The following STXBP5 variants were observed in gnomAD, a reference collection of about 807,000 sequenced individuals.
STXBP5 encodes the protein syntaxin binding protein 5.
Under a neutral mutation model 152.4 loss-of-function variants are expected in STXBP5, and 50 were observed. That is an observed-to-expected ratio of 0.33 (90% CI 0.26 to 0.42). STXBP5 has a LOEUF of 0.42. Ranked by LOEUF, STXBP5 falls within the 10% of genes least tolerant of loss-of-function variation. The probability of loss-of-function intolerance (pLI) is 1.00; values close to 1 mark genes in which losing one functional copy is unlikely to be tolerated. For synonymous variants in STXBP5, 492 were observed against 494.7 expected (o/e 0.99, Z 0.07); for missense variants, 1,167 against 1,388.6 (o/e 0.84, Z 2.54).
At chr6:147,232,380 C>G (rs1030243604) in intron 2 of STXBP5, among the ~76,000 whole-genome samples, 1 of 151,760 alleles carries the variant, frequency 6.6e-6, no homozygotes, top group African/African-American at 2.4e-5. Flanking sequence ...GAACTACTTG[C>G]TCTGAAATTT....
chr6:147,293,585 C>T (rs1452326949), intron 9 of STXBP5, among the ~76,000 whole-genome samples: 5 of 152,142 alleles, frequency 3.3e-5, no homozygotes, highest in Non-Finnish European at 5.9e-5. Flanking sequence ...TGGCAAGTTA[C>T]CAAATTTTAT....
chr6:147,252,041 A>C (rs573787594), intron 4 of STXBP5, among the ~76,000 whole-genome samples: 91 of 152,314 alleles, frequency 6.0e-4, no homozygotes, highest in African/African-American at 1.9e-3. Flanking sequence ...AACATCAACA[A>C]AAAGGGCATC....
intron 21 of STXBP5, among the ~76,000 whole-genome samples, chr6:147,351,422 A>G (rs573352910): frequency 3.9e-5 from 6 of 152,348 alleles, no homozygotes; most frequent in African/African-American, 1.4e-4. Context: ...TGCACATTGT[A>G]TAGATACTAC....
At chr6:147,327,955 T>TG (rs1277447065) in intron 18 of STXBP5, among the ~76,000 whole-genome samples, 13 of 152,184 alleles carry the variant, frequency 8.5e-5, no homozygotes, top group African/African-American at 2.9e-4. Flanking sequence ...CATTCCCATG[T>TG]GGGAAAAAAA....
chr6:147,293,365 A>C (rs948443063), intron 9 of STXBP5: 1 of 152,170 alleles, frequency 6.6e-6, no homozygotes, highest in Non-Finnish European at 1.5e-5. Context: ...CAGTAAATTC[A>C]ACATATTCTT....
intron 18 of STXBP5, chr6:147,328,783 G>GTA (rs1184853576): frequency 6.4e-6 from 3 of 470,464 alleles, no homozygotes; most frequent in South Asian, 4.7e-5. Context: ...TCTTTTTTAA[G>GTA]TAAGTCATTT....
chr6:147,226,840 T>G (rs1201014892), intron 2 of STXBP5, among the ~76,000 whole-genome samples: 2 of 152,212 alleles, frequency 1.3e-5, no homozygotes, highest in Non-Finnish European at 2.9e-5. Context: ...AATTGATGAG[T>G]TAAGCAAACA....
At chr6:147,278,591 G>C (rs1469883443) in intron 8 of STXBP5, among the ~76,000 whole-genome samples, 1 of 152,042 alleles carries the variant, frequency 6.6e-6, no homozygotes, top group African/African-American at 2.4e-5. Flanking sequence ...TGAAATACTT[G>C]GAACCCTGTA....
chr6:147,235,413 C>T, intron 3 of STXBP5, 82 bp downstream of exon 3: 1 of 1,088,396 alleles, frequency 9.2e-7, no homozygotes, highest in East Asian at 2.5e-5. Context: ...CATGCATTCA[C>T]AATTTATTTA....
chr6:147,305,134 A>G (rs1000512650), intron 9 of STXBP5, among the ~76,000 whole-genome samples: 2 of 152,172 alleles, frequency 1.3e-5, no homozygotes, highest in Non-Finnish European at 2.9e-5. Flanking sequence ...GATCTAAGAC[A>G]AGATAAGTAC....
At chr6:147,218,852 T>G (rs1173419597) in intron 2 of STXBP5, among the ~76,000 whole-genome samples, 2 of 152,238 alleles carry the variant, frequency 1.3e-5, no homozygotes, top group South Asian at 4.1e-4. Flanking sequence ...AGTTTTTCTG[T>G]TCATTCTTTC....
intron 9 of STXBP5, among the ~76,000 whole-genome samples, chr6:147,303,212 C>T (rs1012190936): frequency 1.2e-4 from 18 of 151,952 alleles, no homozygotes; most frequent in Admixed American, 1.3e-4. Context: ...GTTGTAGTTC[C>T]CTTAATCCCC....
intron 2 of STXBP5, among the ~76,000 whole-genome samples, chr6:147,216,397 C>CA (rs1225882366): frequency 2.6e-5 from 4 of 151,926 alleles, no homozygotes; most frequent in African/African-American, 4.8e-5. Flanking sequence ...ATGTCAAAAA[C>CA]AAAAAACAAA....
chr6:147,360,312 A>G (rs555627428), intron 23 of STXBP5, among the ~76,000 whole-genome samples: 1 of 152,282 alleles, frequency 6.6e-6, no homozygotes, highest in South Asian at 2.1e-4. Flanking sequence ...TACCCAAAGG[A>G]CTATAAATCA....
At chr6:147,354,688 C>T (rs1363676212) in intron 22 of STXBP5, among the ~76,000 whole-genome samples, 1 of 151,922 alleles carries the variant, frequency 6.6e-6, no homozygotes, top group Non-Finnish European at 1.5e-5. Flanking sequence ...ATACCATAGC[C>T]AATTATTTTT....
At chr6:147,354,509 C>T (rs897532903) in intron 22 of STXBP5, among the ~76,000 whole-genome samples, 24 of 151,614 alleles carry the variant, frequency 1.6e-4, no homozygotes, top group African/African-American at 5.6e-4. Flanking sequence ...ATATCTGAGG[C>T]ACACAGTGTG....
intron 4 of STXBP5, among the ~76,000 whole-genome samples, chr6:147,246,606 T>G (rs1188147098): frequency 6.6e-6 from 1 of 152,168 alleles, no homozygotes; most frequent in Non-Finnish European, 1.5e-5. Context: ...GACGTATGTT[T>G]TTTCTTTATT....
intron 11 of STXBP5, 112 bp downstream of exon 11, chr6:147,311,639 A>G: frequency 1.3e-6 from 1 of 752,904 alleles, no homozygotes; most frequent in East Asian, 2.9e-5. Flanking sequence ...TTATATCCAT[A>G]ACCTTGACCT....
At chr6:147,351,347 T>C (rs551336879) in intron 21 of STXBP5, among the ~76,000 whole-genome samples, 44 of 152,340 alleles carry the variant, frequency 2.9e-4, no homozygotes, top group African/African-American at 9.4e-4. Context: ...ATCCATATCA[T>C]ATGATTTTTA....
Sources: gnomAD v4.1 joint callset for allele counts (sites outside exome capture counted in the v4.1 genomes callset) on GRCh38, gnomAD v4.1.1 for gene constraint, MANE v1.5 for transcripts, NCBI Gene and HGNC (gene_info 2026-07-23, HGNC 2026-07-21) for gene names.